The following CELF6 variants were observed in gnomAD, a reference collection of about 807,000 sequenced individuals.
CELF6 encodes the protein Bruno -like 6, RNA binding protein.
CELF6 carries 32 observed loss-of-function variants against 53.1 expected under a neutral mutation model. That is an observed-to-expected ratio of 0.60 (90% CI 0.46 to 0.81). CELF6 has a LOEUF of 0.81. Among genes scored for constraint, CELF6 ranks in the 30% least tolerant of loss-of-function variants. The pLI, the probability that CELF6 is intolerant of heterozygous loss-of-function variation, is 0.00. For missense variants in CELF6, 539 were observed against 669.5 expected (o/e 0.81, Z 2.15); for synonymous variants, 291 against 288.8 (o/e 1.01, Z -0.08).
chr15:72,304,861 G>T, intron 2 of CELF6, 67 bp from the exon 3 acceptor site: 1 of 1,489,100 alleles, frequency 6.7e-7, no homozygotes, highest in South Asian at 1.1e-5. Context: ...CCAGCTTCTC[G>T]AACCCTGGAC....
At chr15:72,311,341 C>T (rs978275279) in intron 2 of CELF6, among the ~76,000 whole-genome samples, 5 of 151,234 alleles carry the variant, frequency 3.3e-5, no homozygotes, top group Admixed American at 2.6e-4. Flanking sequence ...CTCCCCAATT[C>T]TGGTCTCTCT....
chr15:72,290,445 T>C (rs900410888), intron 3 of CELF6, among the ~76,000 whole-genome samples, 190 bp from the exon 4 acceptor site: 16 of 152,124 alleles, frequency 1.1e-4, no homozygotes, highest in African/African-American at 3.4e-4. Context: ...AGAAGGGAGC[T>C]CAGCTCAGCT....
rs1254032741 is a variant in CELF6, at chr15:72,290,263, CA to C, written c.395-9del. 3.7e-6 allele frequency: 6 copies of C among 1,611,928 alleles called. No homozygotes were observed. The South Asian group carries it at 5.5e-5, about 15-fold the overall frequency. Reference sequence around the variant, plus strand: ...CAAACAGCTTTCGGTCCTCTGGGGACAAAGCCAGGAATGACCTGGGGACCCC... The same window carrying C: ...CAAACAGCTTTCGGTCCTCTGGGGACAAGCCAGGAATGACCTGGGGACCCC... On this transcript the variant is annotated splice_polypyrimidine_tract_variant and intron_variant, in intron 3 of 12. Transcript: ENST00000287202.
At position 72,289,834 on chromosome 15, in the gene CELF6, G is replaced by T. The variant is rs1030473807; in HGVS notation, c.604-64C>A. On this transcript the variant is annotated intron_variant, in intron 5 of 12. Transcript: ENST00000287202. This position sits in a 1 kb window ranked among gnomAD's most constrained non-coding sequence, Gnocchi z 7.6. Reference sequence around the variant, plus strand: ...CCCTGGCCCCGGCCCGGGGCCGAGCGCCTTTCCCATCAGGTCCTTTCGCGG... The same window carrying T: ...CCCTGGCCCCGGCCCGGGGCCGAGCTCCTTTCCCATCAGGTCCTTTCGCGG... The T allele has an allele frequency of 8.1e-6, 12 of 1,478,722 alleles. No individual in the cohort carries two copies. The highest frequency in any genetic ancestry group is 1.1e-5 in the Non-Finnish European group (12 of 1,117,420). 91.6% of individuals were successfully genotyped at this position (1,478,722 alleles called of 1,614,324 possible). A position where few individuals can be genotyped will look rare whatever the true frequency, so the allele number is the denominator to read the frequency against.
intron 2 of CELF6, among the ~76,000 whole-genome samples, chr15:72,312,263 A>G (rs1212843696): frequency 6.6e-6 from 1 of 152,190 alleles, no homozygotes; most frequent in Admixed American, 6.5e-5. Flanking sequence ...AAGCTTTCAT[A>G]GGGGACAGAA....
At chr15:72,315,751 G>A (rs1567286076) in intron 2 of CELF6, 94 bp downstream of exon 2, 3 of 793,646 alleles carry the variant, frequency 3.8e-6, no homozygotes, top group East Asian at 6.0e-5. Flanking sequence ...CTAGTTCTCG[G>A]TCCCAACCCA....
intron 3 of CELF6, among the ~76,000 whole-genome samples, chr15:72,300,621 G>A (rs1343287983): frequency 7.2e-5 from 11 of 152,234 alleles, no homozygotes; most frequent in Admixed American, 3.9e-4. Context: ...ATCATTTGTG[G>A]TCAGCAGTTC....
At chr15:72,310,571 G>A (rs139263896) in intron 2 of CELF6, among the ~76,000 whole-genome samples, 14 of 141,206 alleles carry the variant, frequency 9.9e-5, no homozygotes, top group African/African-American at 1.0e-4. Flanking sequence ...TTGAGACAGC[G>A]TCGACCTCCA....
chr15:72,306,039 T>C (rs1257548819), intron 2 of CELF6: 30 of 975,172 alleles, frequency 3.1e-5, no homozygotes, highest in African/African-American at 3.5e-5. Flanking sequence ...AGTTGGGGTA[T>C]TGCATAATTT....
In CELF6 at chr15:72,288,871, C is replaced by A; in HGVS notation, c.1090G>T (p.Ala364Ser). 6.4e-7 allele frequency: 1 copy of A among 1,550,906 alleles called. No homozygotes were observed. The highest frequency in any genetic ancestry group is 8.7e-7 in the Non-Finnish European group (1 of 1,146,976). The change falls in exon 9 of 13, where the codon GCA becomes TCA. Residue 364 changes from alanine to serine, a missense_variant. Ala to Ser is a moderately conservative substitution (Grantham distance 99). Around this residue, in one of 3 missense-constraint regions of CELF6, gnomAD observed 358 missense variants for 412.8 expected, o/e 0.87. Transcript: ENST00000287202. This position sits in a 1 kb window ranked among gnomAD's most constrained non-coding sequence, Gnocchi z 4.6. ...GCCGCGTAGCGCCAAGTGAAACCTG[C>A]GTAGTGGTGCATCCCAGCGTAGGCC... Reference protein sequence around the residue: ...QQAYAGMHHYAAAYPSAYAPV... With the variant: ...QQAYAGMHHYSAAYPSAYAPV...
intron 3 of CELF6, chr15:72,292,309 T>C: frequency 7.2e-7 from 1 of 1,382,908 alleles, no homozygotes; most frequent in Admixed American, 2.2e-5. Flanking sequence ...TCAACCAATC[T>C]GATGGCTTTG....
intron 3 of CELF6, among the ~76,000 whole-genome samples, chr15:72,295,778 G>T (rs11636289): frequency 0.75 from 112,878 of 151,090 alleles, 48,171 homozygotes; most frequent in Non-Finnish European, 0.94. Context: ...AAGACAATCT[G>T]TGTTCATGGA....
At chr15:72,298,189 A>G (rs2088103587) in intron 3 of CELF6, among the ~76,000 whole-genome samples, 1 of 152,230 alleles carries the variant, frequency 6.6e-6, no homozygotes, top group Non-Finnish European at 1.5e-5. Context: ...CTCAAAGATT[A>G]GTTGTTAAAC....
chr15:72,292,116 G>A, intron 3 of CELF6: 1 of 896,444 alleles, frequency 1.1e-6, no homozygotes, highest in South Asian at 1.6e-5. Context: ...AGCCAGAAAA[G>A]GAGGGGTGGA....
At chr15:72,308,635 T>C (rs1018479453) in intron 2 of CELF6, among the ~76,000 whole-genome samples, 13 of 152,182 alleles carry the variant, frequency 8.5e-5, no homozygotes, top group Non-Finnish European at 1.8e-4. Context: ...CTTTTGACTT[T>C]GTTGTATTTC....
chr15:72,318,299 A>G (rs1358150541), intron 1 of CELF6, among the ~76,000 whole-genome samples: 1 of 152,158 alleles, frequency 6.6e-6, no homozygotes, highest in East Asian at 1.9e-4. Flanking sequence ...TGCCTACATT[A>G]GTGTGCCAAG....
chr15:72,298,439 A>G (rs2088106189), intron 3 of CELF6, among the ~76,000 whole-genome samples: 1 of 152,250 alleles, frequency 6.6e-6, no homozygotes, highest in African/African-American at 2.4e-5. Context: ...GCCTCAAAAT[A>G]TATTTTAAAA....
At position 72,290,117 on chromosome 15, in the gene CELF6, C is replaced by T; in HGVS notation, c.523+10G>A. On this transcript the variant is annotated intron_variant, in intron 4 of 12. Coordinates refer to ENST00000287202, the MANE Select transcript of CELF6 (RefSeq NM_052840.5). ...GGTCACCAGGAAATCCCGGGGTCAG[C>T]TCAGGTCACCTTTACTGGTGCCGTC... is the stretch of plus-strand genomic sequence containing the variant. 6.2e-7 allele frequency: 1 copy of T among 1,613,712 alleles called. No homozygotes were observed.
chr15:72,288,243 AG>A lies in CELF6; in HGVS notation c.1318+64del. On this transcript the variant is annotated intron_variant, in intron 11 of 12. Transcript: ENST00000287202. This position sits in a 1 kb window ranked among gnomAD's most constrained non-coding sequence, Gnocchi z 4.6. ...CACTGCATTATGGAAGGGCAATCGT[AG>A]GGTCTGTAGGAAATCCTTTATAGTC... 1 of 1,524,924 alleles carries A rather than the reference AG, an allele frequency of 6.6e-7. No homozygotes were observed. Among genetic ancestry groups the A allele is most frequent in the Non-Finnish European group, 9.1e-7 (1 of 1,099,432 alleles). The allele number at this position is 1,524,924 out of a possible 1,614,324, so 94.5% of individuals were successfully genotyped here.
Sources: gnomAD v4.1 joint callset for allele counts (sites outside exome capture counted in the v4.1 genomes callset) on GRCh38, gnomAD v4.1.1 for gene constraint, gnomAD v4.1.1 regional missense constraint, Gnocchi (gnomAD v3.1) non-coding constraint, MANE v1.5 for transcripts, NCBI Gene and HGNC (gene_info 2026-07-23, HGNC 2026-07-21) for gene names.